AKAP13: variants seen among roughly 807,000 people sequenced by gnomAD.
The protein encoded by AKAP13 is A-kinase anchor protein 13.
In AKAP13, 80 loss-of-function variants were observed where a neutral mutation model predicts 264.5. That is an observed-to-expected ratio of 0.30 (90% CI 0.25 to 0.36). The LOEUF (loss-of-function observed/expected upper bound fraction) is 0.36, where lower values mean the gene tolerates loss of function less well. AKAP13 is among the 10% of genes least tolerant of loss of function. The pLI, the probability that AKAP13 is intolerant of heterozygous loss-of-function variation, is 1.00. For synonymous variants in AKAP13, 1,380 were observed against 1,250.2 expected (o/e 1.10, Z -2.19); for missense variants, 3,712 against 3,435.2 (o/e 1.08, Z -2.01).
intron 1 of AKAP13, among the ~76,000 whole-genome samples, chr15:85,399,497 C>T (rs1372301210): frequency 2.0e-5 from 1 of 49,432 alleles, no homozygotes. Flanking sequence ...AGCGAGACTC[C>T]GTCTCAAAAA....
intron 8 of AKAP13, among the ~76,000 whole-genome samples, chr15:85,600,781 C>T (rs920553590): frequency 3.3e-5 from 5 of 151,932 alleles, no homozygotes; most frequent in African/African-American, 1.2e-4. Context: ...AACAACTTGT[C>T]TTTGTCAGGG....
At position 85,447,178 on chromosome 15, in the gene AKAP13, A is replaced by C. The variant is rs373766154; in HGVS notation, c.-11-38532A>C. ...GCTACTTGGGAGGCTGAGGCAGGAG[A>C]ATCTCTTGAACCGGGGAGGTGGAGG... is the stretch of plus-strand genomic sequence containing the variant. On this transcript the variant is annotated intron_variant, in intron 1 of 36. Coordinates refer to ENST00000394518, the MANE Select transcript of AKAP13 (RefSeq NM_007200.5). Among the ~76,000 whole-genome samples the C allele has an allele frequency of 1.4e-4, 21 of 152,186 alleles. No individual in the cohort carries two copies. In the East Asian group the frequency reaches 3.5e-3, roughly 25 times the overall value.
intron 10 of AKAP13, among the ~76,000 whole-genome samples, chr15:85,648,545 T>C (rs1282485780): frequency 2.0e-5 from 3 of 152,112 alleles, no homozygotes; most frequent in Non-Finnish European, 4.4e-5. Context: ...ATATTAGACA[T>C]ATAATTTTTA....
chr15:85,444,363 T>C (rs1031512291), intron 1 of AKAP13, among the ~76,000 whole-genome samples: 1 of 152,170 alleles, frequency 6.6e-6, no homozygotes, highest in Non-Finnish European at 1.5e-5. Flanking sequence ...TTAGTACATT[T>C]GGACTAGTGA....
chr15:85,682,326 A>T lies in AKAP13; in HGVS notation c.5156+114A>T. 4 of 1,055,504 alleles carry T rather than the reference A, an allele frequency of 3.8e-6. No individual in the cohort carries two copies. In the East Asian group the frequency reaches 1.0e-4, roughly 27 times the overall value. 65.4% of individuals were successfully genotyped at this position (1,055,504 alleles called of 1,614,324 possible). On this transcript the variant is annotated intron_variant, in intron 15 of 36. Coordinates refer to ENST00000394518, the MANE Select transcript of AKAP13 (RefSeq NM_007200.5). ...ATTGAGCTTATTGGGTTCTTCTTTG[A>T]GTGATAAACTTGGAATAATGATTAA...
At position 85,645,800 on chromosome 15, in the gene AKAP13, A is replaced by G. The variant is rs777544917; in HGVS notation, c.4238-18A>G. ...GTTTTTTTTTTTTCAATATTGGTGA[A>G]TAAATTCTCTTTTTCAGAATGTGAG... On this transcript the variant is annotated intron_variant, in intron 9 of 36. Coordinates refer to ENST00000394518, the MANE Select transcript of AKAP13 (RefSeq NM_007200.5). 6 of 1,537,678 alleles carry G rather than the reference A, an allele frequency of 3.9e-6. No individual in the cohort carries two copies. In the East Asian group the frequency reaches 6.8e-5, roughly 18 times the overall value.
rs71827176 is a variant in AKAP13, at chr15:85,686,199, G to GTGTC, written c.5289+1329_5289+1330insCTGT. On this transcript the variant is annotated intron_variant, in intron 16 of 36. Transcript: ENST00000394518. ...TGTGTGCACGTGCATGCATGTGTGT[G>GTGTC]TGTGTGTGGTATATACATGTACATA... Among the ~76,000 whole-genome samples, 3 of 151,902 alleles carry GTGTC rather than the reference G, an allele frequency of 2.0e-5. No individual in the cohort carries two copies. The South Asian group carries it at 6.2e-4, about 32-fold the overall frequency.
chr15:85,551,781 A>G (rs34553601), intron 5 of AKAP13, among the ~76,000 whole-genome samples: 4 of 152,240 alleles, frequency 2.6e-5, no homozygotes, highest in Non-Finnish European at 4.4e-5. Context: ...CTTAAGTGGA[A>G]GAAAATACAG....
intron 14 of AKAP13, among the ~76,000 whole-genome samples, chr15:85,678,526 A>G (rs2084380503): frequency 6.6e-6 from 1 of 152,200 alleles, no homozygotes; most frequent in South Asian, 2.1e-4. Context: ...ATCCACTCTA[A>G]CTTTGGGTAT....
chr15:85,739,317 G>A (rs181031127), intron 33 of AKAP13, among the ~76,000 whole-genome samples: 13 of 152,116 alleles, frequency 8.5e-5, no homozygotes, highest in Admixed American at 2.6e-4. Context: ...GTTTTTGTTC[G>A]TTTGATAAGT....
intron 1 of AKAP13, among the ~76,000 whole-genome samples, chr15:85,473,125 A>C (rs1052112816): frequency 2.0e-5 from 3 of 152,258 alleles, no homozygotes; most frequent in African/African-American, 7.2e-5. Flanking sequence ...ACAACTGGCT[A>C]CTTTCCCTGA....
At chr15:85,427,411 A>T (rs1331579051) in intron 1 of AKAP13, among the ~76,000 whole-genome samples, 1 of 152,044 alleles carries the variant, frequency 6.6e-6, no homozygotes, top group African/African-American at 2.4e-5. Flanking sequence ...TGATGTTTTG[A>T]GAGGCCTGTG....
intron 2 of AKAP13, among the ~76,000 whole-genome samples, chr15:85,486,194 C>T (rs1362664792): frequency 6.6e-6 from 1 of 152,108 alleles, no homozygotes; most frequent in Non-Finnish European, 1.5e-5. Context: ...AAGTGAGGGA[C>T]TTCCCTCATT....
chr15:85,442,092 C>G (rs1378782943), intron 1 of AKAP13, among the ~76,000 whole-genome samples: 1 of 151,986 alleles, frequency 6.6e-6, no homozygotes, highest in Non-Finnish European at 1.5e-5. Context: ...TAGGATAGTA[C>G]AAGCTATTGG....
intron 1 of AKAP13, among the ~76,000 whole-genome samples, chr15:85,433,117 G>GTTTTTTTTTTTTTTTTTTT (rs199655190): frequency 4.3e-4 from 23 of 53,226 alleles, no homozygotes; most frequent in Non-Finnish European, 5.6e-4. Context: ...CTTCTGTACA[G>GTTTTTTTTTTTTTTTTTTT]TTTTTTTTTT....
At chr15:85,498,277 A>G (rs1056489759) in intron 2 of AKAP13, among the ~76,000 whole-genome samples, 2 of 150,214 alleles carry the variant, frequency 1.3e-5, no homozygotes, top group African/African-American at 4.9e-5. Context: ...TGGTTTTAAA[A>G]AGAGACGTAC....
At chr15:85,719,430 T>A in intron 23 of AKAP13, 104 bp downstream of exon 23, 1 of 1,429,138 alleles carries the variant, frequency 7.0e-7, no homozygotes, top group African/African-American at 1.4e-5. Flanking sequence ...ATTTATTATC[T>A]GTGTAAGCTC....
In AKAP13 at chr15:85,580,319, C is replaced by A; in HGVS notation, c.2251C>A (p.Pro751Thr). 19 of 1,614,188 alleles carry A rather than the reference C, an allele frequency of 1.2e-5. No individual in the cohort carries two copies. Among genetic ancestry groups the A allele is most frequent in the Non-Finnish European group, 1.5e-5 (18 of 1,180,036 alleles). ...ACGAAAAGATGTGAAACTAGATAAA[C>A]CTTTAACAAATATGCTTGAGGTGGT... is the stretch of plus-strand genomic sequence containing the variant. ...GQRKDVKLDK[P>T]LTNMLEVVSH... The change falls in exon 7 of 37, where the codon CCT (proline) becomes ACT (threonine). Residue 751 changes from proline (P) to threonine (T), a missense_variant. Coordinates refer to ENST00000394518, the MANE Select transcript of AKAP13 (RefSeq NM_007200.5).
chr15:85,650,674 C>T (rs998778501), intron 10 of AKAP13, among the ~76,000 whole-genome samples: 12 of 131,268 alleles, frequency 9.1e-5, no homozygotes, highest in Non-Finnish European at 1.2e-4. Flanking sequence ...GAGAATCATT[C>T]GAACCTGGGA....
Sources: gnomAD v4.1 joint callset for allele counts (sites outside exome capture counted in the v4.1 genomes callset) on GRCh38, gnomAD v4.1.1 for gene constraint, MANE v1.5 for transcripts, NCBI Gene and HGNC (gene_info 2026-07-23, HGNC 2026-07-21) for gene names.